CDKN3: variants seen among roughly 807,000 people sequenced by gnomAD.
The protein encoded by CDKN3 is cyclin-dependent kinase inhibitor 3.
In CDKN3, 19 loss-of-function variants were observed where a neutral mutation model predicts 36.1. The observed-to-expected ratio is 0.53, with a 90% CI of 0.37 to 0.77. CDKN3 has a LOEUF of 0.77. CDKN3 is among the 30% of genes least tolerant of loss of function. The pLI, the probability that CDKN3 is intolerant of heterozygous loss-of-function variation, is 0.00. For missense variants in CDKN3, 188 were observed against 248.6 expected (o/e 0.76, Z 1.64); for synonymous variants, 71 against 85.3 (o/e 0.83, Z 0.92).
Position 54,400,246 on chromosome 14 carries a change from C to CTT in CDKN3, c.92+282_92+283dup, listed in dbSNP as rs5808774. On this transcript the variant is annotated intron_variant, in intron 2 of 7. Coordinates refer to ENST00000335183, the MANE Select transcript of CDKN3 (RefSeq NM_005192.4). ...TGATTCATTTACTCTTTATAAGACC[C>CTT]TTTTTTTTTTTTTGGCCCTTCTACT... Among the ~76,000 whole-genome samples the CTT allele has an allele frequency of 1.8e-3, 202 of 114,468 alleles. 1 individual carries two copies. Among genetic ancestry groups the CTT allele is most frequent in the Admixed American group, 4.9e-3 (59 of 12,140 alleles). The allele number at this position is 114,468 out of a possible 152,430, so 75.1% of individuals were successfully genotyped here.
At position 54,411,639 on chromosome 14, in the gene CDKN3, G is replaced by A. The variant is rs1405501086; in HGVS notation, c.349G>A (p.Ala117Thr). Residue 117 changes from alanine to threonine, a missense_variant, in exon 5 of 8, where the codon GCC becomes ACC. Physicochemically the swap from Ala to Thr is moderately conservative, Grantham distance 58. Transcript: ENST00000335183. Reference sequence around the variant, plus strand: ...CGCAGATGGAGGGACTCCTGACATAGCCAGCTGCTGTGAAATAATGGAAGA... The same window carrying A: ...CGCAGATGGAGGGACTCCTGACATAACCAGCTGCTGTGAAATAATGGAAGA... Reference protein sequence around the residue: ...PIADGGTPDIASCCEIMEELT... With the variant: ...PIADGGTPDITSCCEIMEELT... The A allele has an allele frequency of 2.5e-6, 4 of 1,614,026 alleles. No homozygotes were observed. The highest frequency in any genetic ancestry group is 3.4e-6 in the Non-Finnish European group (4 of 1,179,940).
chr14:54,410,977 A>G (rs1156688403), intron 4 of CDKN3, among the ~76,000 whole-genome samples: 1 of 152,130 alleles, frequency 6.6e-6, no homozygotes, highest in Admixed American at 6.5e-5. Flanking sequence ...TCGGGAGTTC[A>G]AGACCAGCCT....
At chr14:54,397,796 G>A (rs891105042) in intron 1 of CDKN3, among the ~76,000 whole-genome samples, 2 of 152,226 alleles carry the variant, frequency 1.3e-5, no homozygotes, top group Non-Finnish European at 2.9e-5. Flanking sequence ...TCCTTTGGGT[G>A]CAGTTGATTA....
At chr14:54,406,160 T>C (rs1594602322) in intron 3 of CDKN3, among the ~76,000 whole-genome samples, 1 of 152,366 alleles carries the variant, frequency 6.6e-6, no homozygotes, top group African/African-American at 2.4e-5. Flanking sequence ...ATGTTGAATA[T>C]TGGCCCCCAC....
At chr14:54,407,253 G>C (rs1196514925) in intron 3 of CDKN3, among the ~76,000 whole-genome samples, 3 of 152,188 alleles carry the variant, frequency 2.0e-5, no homozygotes, top group Non-Finnish European at 2.9e-5. Flanking sequence ...GATGCCAGCT[G>C]GAGTTCTCCT....
intron 1 of CDKN3, among the ~76,000 whole-genome samples, chr14:54,398,678 G>C (rs1886387704): frequency 6.6e-6 from 1 of 152,060 alleles, no homozygotes; most frequent in Admixed American, 6.5e-5. Context: ...TTTTTCTTTT[G>C]ATTCCTTAAA....
intron 1 of CDKN3, among the ~76,000 whole-genome samples, chr14:54,398,987 C>CTTTTTTTTTTTTTTTTT (rs113342693): frequency 9.2e-6 from 1 of 109,274 alleles, no homozygotes; most frequent in African/African-American, 3.5e-5. Context: ...TTTCTTCTTC[C>CTTTTTTTTTTTTTTTTT]TTTTTTTTTT....
At chr14:54,412,653 G>T (rs1487674667) in intron 5 of CDKN3, among the ~76,000 whole-genome samples, 1 of 152,100 alleles carries the variant, frequency 6.6e-6, no homozygotes, top group Non-Finnish European at 1.5e-5. Flanking sequence ...AGAGAGAGTG[G>T]CAATGGGCAG....
chr14:54,398,556 C>T lies in CDKN3; in HGVS notation c.10-1338C>T, dbSNP rs550747326. Among the ~76,000 whole-genome samples the T allele has an allele frequency of 2.6e-5, 4 of 152,350 alleles. No individual in the cohort carries two copies. The South Asian group carries it at 8.3e-4, about 32-fold the overall frequency. Reference sequence around the variant, plus strand: ...CCCACGTGGCAACAGCTTTAAGCTGCATACTCCATTTGATATACAATAATA... The same window carrying T: ...CCCACGTGGCAACAGCTTTAAGCTGTATACTCCATTTGATATACAATAATA... On this transcript the variant is annotated intron_variant, in intron 1 of 7. Coordinates refer to ENST00000335183, the MANE Select transcript of CDKN3 (RefSeq NM_005192.4).
At chr14:54,410,181 G>T (rs2030302396) in intron 4 of CDKN3, among the ~76,000 whole-genome samples, 1 of 151,934 alleles carries the variant, frequency 6.6e-6, no homozygotes, top group South Asian at 2.1e-4. Flanking sequence ...ATCTTAAATG[G>T]AATCCAGTAC....
At chr14:54,419,941 C>T (rs1438663629) in intron 7 of CDKN3, 51 bp from the exon 8 acceptor site, 1 of 1,042,282 alleles carries the variant, frequency 9.6e-7, no homozygotes, top group Non-Finnish European at 1.5e-6. Flanking sequence ...TGTGCCCACA[C>T]TGATAACTAG....
At chr14:54,397,688 G>C (rs936800799) in intron 1 of CDKN3, among the ~76,000 whole-genome samples, 6 of 152,244 alleles carry the variant, frequency 3.9e-5, no homozygotes. Context: ...AATCATCAAA[G>C]TTGCTTTAAA....
At chr14:54,418,447 T>C in intron 7 of CDKN3, 1 of 589,844 alleles carries the variant, frequency 1.7e-6, no homozygotes, top group Non-Finnish European at 3.0e-6. Context: ...AGTAGATAAC[T>C]GGGGACATCT....
At chr14:54,417,675 T>C (rs2030594331) in intron 6 of CDKN3, among the ~76,000 whole-genome samples, 173 bp from the exon 7 acceptor site, 1 of 152,220 alleles carries the variant, frequency 6.6e-6, no homozygotes, top group East Asian at 1.9e-4. Context: ...CATACGGTCA[T>C]TTAAGATCAT....
intron 4 of CDKN3, among the ~76,000 whole-genome samples, chr14:54,410,364 A>T (rs1398778053): frequency 1.3e-5 from 2 of 152,220 alleles, no homozygotes; most frequent in East Asian, 3.8e-4. Flanking sequence ...GGATTAGTTC[A>T]TGAGAAGGTA....
chr14:54,400,003 G>A (rs944636056), intron 2 of CDKN3, 27 bp downstream of exon 2: 7 of 1,022,630 alleles, frequency 6.8e-6, no homozygotes, highest in Admixed American at 1.7e-5. Context: ...GATCAATGAT[G>A]AGCTAAAATC....
At chr14:54,419,139 C>A (rs2030646740) in intron 7 of CDKN3, among the ~76,000 whole-genome samples, 1 of 148,104 alleles carries the variant, frequency 6.8e-6, no homozygotes, top group Non-Finnish European at 1.5e-5. Context: ...GCCTGGGCGA[C>A]AAAGTGAGAC....
chr14:54,411,714 C>A lies in CDKN3; in HGVS notation c.416+8C>A. ...CCGAAAAACCTTAATACAGTACGTT[C>A]TTTTCTCCATACACTATGTGAGAAA... On this transcript the variant is annotated splice_region_variant and intron_variant, in intron 5 of 7. Coordinates refer to ENST00000335183, the MANE Select transcript of CDKN3 (RefSeq NM_005192.4). 2.0e-6 allele frequency: 3 copies of A among 1,511,326 alleles called. No individual in the cohort carries two copies. The highest frequency in any genetic ancestry group is 2.8e-6 in the Non-Finnish European group (3 of 1,087,202). The allele number at this position is 1,511,326 out of a possible 1,614,324, so 93.6% of individuals were successfully genotyped here.
chr14:54,405,286 C>T (rs375517743), intron 3 of CDKN3, among the ~76,000 whole-genome samples: 7 of 152,146 alleles, frequency 4.6e-5, no homozygotes, highest in South Asian at 2.1e-4. Context: ...AGAATAAGTG[C>T]GATGTGGTGC....
Sources: gnomAD v4.1 joint callset for allele counts (sites outside exome capture counted in the v4.1 genomes callset) on GRCh38, gnomAD v4.1.1 for gene constraint, MANE v1.5 for transcripts, NCBI Gene and HGNC (gene_info 2026-07-23, HGNC 2026-07-21) for gene names.